The following CCDC171 variants were observed in gnomAD, a reference collection of about 807,000 sequenced individuals.
CCDC171 encodes the protein coiled-coil domain containing 171.
Under a neutral mutation model 168.2 loss-of-function variants are expected in CCDC171, and 177 were observed. That is an observed-to-expected ratio of 1.05 (90% CI 0.93 to 1.19). The LOEUF is 1.19. Ranked by LOEUF, CCDC171 falls within the 50% of genes most tolerant of loss-of-function variation. The pLI is 0.00. For missense variants in CCDC171, 1,991 were observed against 1,539.0 expected, an observed-to-expected ratio of 1.29 and a Z score of -4.91; for synonymous variants, 687 against 540.8, an observed-to-expected ratio of 1.27 and a Z score of -3.75.
At chr9:15,808,915 G>T (rs145802329) in intron 21 of CCDC171, among the ~76,000 whole-genome samples, 6 of 152,126 alleles carry the variant, frequency 3.9e-5, no homozygotes, top group Admixed American at 2.6e-4. Context: ...TAGTAGATTT[G>T]GTGTCTGGTG....
chr9:15,752,048 TAAAC>T (rs1220248700), intron 18 of CCDC171, among the ~76,000 whole-genome samples: 2 of 152,074 alleles, frequency 1.3e-5, no homozygotes, highest in African/African-American at 4.8e-5. Flanking sequence ...ACAAAGAACT[TAAAC>T]AAATTTACAA....
chr9:15,744,846 T>A (rs2055157971), intron 17 of CCDC171, 69 bp downstream of exon 17: 12 of 1,446,246 alleles, frequency 8.3e-6, no homozygotes, highest in Non-Finnish European at 1.1e-5. Context: ...TATACCTGGC[T>A]ATTATGGAAA....
the CCDC171 span, among the ~76,000 whole-genome samples, chr9:16,073,883 G>C: frequency 6.6e-6 from 1 of 152,324 alleles, no homozygotes; most frequent in African/African-American, 2.4e-5. Flanking sequence ...AAGTAGAGAA[G>C]GGATTGGGAA....
intron 25 of CCDC171, chr9:15,922,093 C>T: frequency 3.3e-6 from 1 of 299,648 alleles, no homozygotes; most frequent in South Asian, 3.0e-5. Flanking sequence ...ACTTTTTCCC[C>T]TTTGAACATA....
chr9:15,807,619 A>G (rs954932), intron 21 of CCDC171, among the ~76,000 whole-genome samples: 148,725 of 152,118 alleles, frequency 0.98, 72,789 homozygotes, highest in East Asian at 1. Flanking sequence ...ATTGCTTACT[A>G]CTTTGCTCTT....
At chr9:15,892,980 C>A (rs1476234103) in intron 24 of CCDC171, among the ~76,000 whole-genome samples, 1 of 152,130 alleles carries the variant, frequency 6.6e-6, no homozygotes, top group African/African-American at 2.4e-5. Flanking sequence ...ATAGCCAAGA[C>A]AATCCTAAGC....
chr9:16,103,995 G>A, the CCDC171 span, among the ~76,000 whole-genome samples: 1 of 152,172 alleles, frequency 6.6e-6, no homozygotes, highest in African/African-American at 2.4e-5. Flanking sequence ...CGGCTGGTGG[G>A]TCTCCTAAGG....
intron 3 of CCDC171, among the ~76,000 whole-genome samples, chr9:16,008,301 C>G (rs900137258): frequency 1.6e-4 from 24 of 152,000 alleles, no homozygotes; most frequent in South Asian, 1.5e-3. Context: ...TGTGGTTATC[C>G]TGGTATCCCT....
rs1203172808 is a variant in CCDC171 at position 15,651,386 on chromosome 9, G to A, written c.823-5741G>A. 2.0e-5 allele frequency among the ~76,000 whole-genome samples: 3 copies of A among 152,074 alleles called. No individual in the cohort carries two copies. The East Asian group carries it at 5.8e-4, about 29-fold the overall frequency. On this transcript the variant is annotated intron_variant, in intron 7 of 25. Transcript: ENST00000380701. ...GGCCTCCCAAAGTACTGGGATTACAGGCGTGAGCCACCGTGCCTGGCCTAT... is the reference window on the plus strand; with the variant it reads ...GGCCTCCCAAAGTACTGGGATTACAAGCGTGAGCCACCGTGCCTGGCCTAT...
chr9:15,610,891 T>C (rs974459157), intron 6 of CCDC171, among the ~76,000 whole-genome samples: 1 of 152,080 alleles, frequency 6.6e-6, no homozygotes, highest in South Asian at 2.1e-4. Flanking sequence ...TTTGGCTTCA[T>C]TTTGTAGTAG....
chr9:16,069,667 C>A, the CCDC171 span, among the ~76,000 whole-genome samples: 4 of 152,216 alleles, frequency 2.6e-5, no homozygotes, highest in Non-Finnish European at 2.9e-5. Flanking sequence ...GAGCTGAGGA[C>A]GAGGCATTTC....
At chr9:15,927,960 A>T (rs1027418981) in intron 25 of CCDC171, among the ~76,000 whole-genome samples, 1 of 151,630 alleles carries the variant, frequency 6.6e-6, no homozygotes, top group African/African-American at 2.4e-5. Flanking sequence ...CTTTAAGAAT[A>T]TTTTTTTGAA....
chr9:15,672,037 C>G (rs555538483), intron 9 of CCDC171, among the ~76,000 whole-genome samples: 2 of 152,186 alleles, frequency 1.3e-5, no homozygotes, highest in South Asian at 4.1e-4. Flanking sequence ...TTAATGATCG[C>G]CATTCTAACT....
chr9:16,079,753 C>T, the CCDC171 span, among the ~76,000 whole-genome samples: 567 of 152,280 alleles, frequency 3.7e-3, 6 homozygotes, highest in African/African-American at 0.013. Flanking sequence ...CAACCTGATA[C>T]GCATGGAATC....
chr9:15,995,964 C>T (rs1343979087), intron 3 of CCDC171, among the ~76,000 whole-genome samples: 1 of 152,288 alleles, frequency 6.6e-6, no homozygotes, highest in African/African-American at 2.4e-5. Context: ...TTCTGTTTAT[C>T]ACTTTCAGCA....
intron 25 of CCDC171, among the ~76,000 whole-genome samples, chr9:15,960,080 A>T (rs1427542612): frequency 2.0e-5 from 3 of 152,190 alleles, no homozygotes. Flanking sequence ...TGAGCAGGAC[A>T]GGGAAGGACC....
chr9:15,571,627 G>C lies in CCDC171; in HGVS notation c.45G>C (p.Leu15Phe). 2 of 1,549,400 alleles carry C rather than the reference G, an allele frequency of 1.3e-6. No homozygotes were observed. Among genetic ancestry groups the C allele is most frequent in the Non-Finnish European group, 8.7e-7 (1 of 1,153,964 alleles). ...TTACTGTAATCTCATTTTAAAGGTT[G>C]AAGATTGCCTCATTGGATGTAAAAC... ...TSSNTGDTQR[L>F]KIASLDVKQI... Residue 15 changes from leucine (L) to phenylalanine (F), a missense_variant, in exon 3 of 26, where the codon TTG becomes TTC. Coordinates refer to ENST00000380701, the MANE Select transcript of CCDC171 (RefSeq NM_173550.4).
At chr9:15,899,709 T>A (rs1162805766) in intron 24 of CCDC171, among the ~76,000 whole-genome samples, 3 of 152,224 alleles carry the variant, frequency 2.0e-5, no homozygotes, top group Admixed American at 2.0e-4. Flanking sequence ...ATTTTCTAAT[T>A]GAATTGTCTT....
rs1410119372 is a variant in CCDC171 at position 15,972,758 on chromosome 9, C to T, written c.*922C>T. 1 of 152,120 alleles carries T rather than the reference C, an allele frequency of 6.6e-6. No homozygotes were observed. Among genetic ancestry groups the T allele is most frequent in the East Asian group, 1.9e-4 (1 of 5,192 alleles). The allele number at this position is 152,120 out of a possible 1,614,324, so 9.4% of individuals were successfully genotyped here. On this transcript the variant is annotated 3_prime_UTR_variant, in exon 26 of 26. Transcript: ENST00000380701. ...GATGCTGACAGAATTTAAAACAAGG[C>T]CATTGCCCTGCATTTTCTGCCTTGT...
Sources: allele counts gnomAD v4.1 joint callset (sites outside exome capture counted in the v4.1 genomes callset), GRCh38; gene constraint gnomAD v4.1.1; transcripts MANE v1.5; gene names NCBI Gene and HGNC (gene_info 2026-07-23, HGNC 2026-07-21).